EDIL3: variants seen among roughly 807,000 people sequenced by gnomAD.
EDIL3 encodes EGF like and discoidin domains 3, also known as EGF-like repeat and discoidin I-like domain-containing protein 3.
EDIL3 carries 37 observed loss-of-function variants against 67.4 expected under a neutral mutation model. That is an observed-to-expected ratio of 0.55 (90% CI 0.42 to 0.72). The LOEUF is 0.72. Among genes scored for constraint, EDIL3 ranks in the 30% least tolerant of loss-of-function variants. EDIL3 has a pLI of 0.00. For missense variants in EDIL3, 527 were observed against 586.3 expected (o/e 0.90, Z 1.04); for synonymous variants, 195 against 196.3 (o/e 0.99, Z 0.05).
intron 1 of EDIL3, among the ~76,000 whole-genome samples, chr5:84,364,746 T>C (rs1248859146): frequency 6.6e-6 from 1 of 152,040 alleles, no homozygotes; most frequent in Non-Finnish European, 1.5e-5. Flanking sequence ...ATAAATTTCA[T>C]ATGGAATCCT....
At chr5:84,201,492 T>A (rs1177735767) in intron 3 of EDIL3, among the ~76,000 whole-genome samples, 1 of 152,100 alleles carries the variant, frequency 6.6e-6, no homozygotes, top group Non-Finnish European at 1.5e-5. Context: ...AGAGACTTCA[T>A]CTGTTTTTCT....
chr5:84,289,603 T>C (rs1745875338), intron 1 of EDIL3, among the ~76,000 whole-genome samples: 1 of 152,148 alleles, frequency 6.6e-6, no homozygotes, highest in Non-Finnish European at 1.5e-5. Flanking sequence ...GCCCCTTGGT[T>C]GTGAATCTAG....
intron 1 of EDIL3, among the ~76,000 whole-genome samples, chr5:84,288,352 T>C (rs1293018764): frequency 6.6e-6 from 1 of 152,182 alleles, no homozygotes; most frequent in Non-Finnish European, 1.5e-5. Flanking sequence ...ACCTCATTTC[T>C]TTGCTTTTAT....
At chr5:84,194,986 G>T (rs901153474) in intron 3 of EDIL3, among the ~76,000 whole-genome samples, 1 of 151,834 alleles carries the variant, frequency 6.6e-6, no homozygotes, top group Admixed American at 6.6e-5. Flanking sequence ...TACAGAATAC[G>T]GTCACAGAGT....
At chr5:84,380,486 T>TAG (rs1000142041) in intron 1 of EDIL3, among the ~76,000 whole-genome samples, 1 of 152,134 alleles carries the variant, frequency 6.6e-6, no homozygotes, top group Admixed American at 6.5e-5. Context: ...ACTTCTGACT[T>TAG]GAACTGAGTT....
intron 3 of EDIL3, among the ~76,000 whole-genome samples, chr5:84,203,844 A>G (rs1743901082): frequency 6.6e-6 from 1 of 152,192 alleles, no homozygotes; most frequent in African/African-American, 2.4e-5. Flanking sequence ...TCTATTAACT[A>G]TATCCGAAGA....
At position 84,296,871 on chromosome 5, in the gene EDIL3, A is replaced by C. The variant is rs1392498783; in HGVS notation, c.68-42659T>G. On this transcript the variant is annotated intron_variant, in intron 1 of 10. Coordinates refer to ENST00000296591, the MANE Select transcript of EDIL3 (RefSeq NM_005711.5). ...ATTATCCAGAATCTACAAGGAACTTAAGCAAATTTTTAAGAAAAAAAACCA... is the reference window on the plus strand; with the variant it reads ...ATTATCCAGAATCTACAAGGAACTTCAGCAAATTTTTAAGAAAAAAAACCA... Among the ~76,000 whole-genome samples, 4 of 152,308 alleles carry C rather than the reference A, an allele frequency of 2.6e-5. No individual in the cohort carries two copies. In the East Asian group the frequency reaches 5.8e-4, roughly 22 times the overall value.
In EDIL3 at chr5:83,943,243, T is replaced by C. The variant is rs1744255922; in HGVS notation, c.*176A>G. 2 of 681,564 alleles carry C rather than the reference T, an allele frequency of 2.9e-6. No homozygotes were observed. Among genetic ancestry groups the C allele is most frequent in the Non-Finnish European group, 4.7e-6 (2 of 422,640 alleles). 42.2% of individuals were successfully genotyped at this position (681,564 alleles called of 1,614,324 possible). On this transcript the variant is annotated 3_prime_UTR_variant, in exon 11 of 11. Transcript: ENST00000296591. ...GATAAAATAAAATCAAATTAAATCA[T>C]TGAAAAGGCAGGCTTAGACCCCCTT...
intron 6 of EDIL3, among the ~76,000 whole-genome samples, chr5:84,090,581 AT>A (rs1747147860): frequency 6.6e-6 from 1 of 152,192 alleles, no homozygotes; most frequent in Non-Finnish European, 1.5e-5. Context: ...AGCTCTTCAG[AT>A]AATTTTTATG....
In EDIL3 at chr5:84,250,538, A is replaced by C. The variant is rs554195936; in HGVS notation, c.196+3546T>G. ...ACATTATATGCTTTGTGAGGGAAGA[A>C]TAAAAGTACAAAACTGGATGAGGAT... On this transcript the variant is annotated intron_variant, in intron 2 of 10. Transcript: ENST00000296591. Among the ~76,000 whole-genome samples the C allele has an allele frequency of 3.9e-5, 6 of 152,354 alleles. No individual in the cohort carries two copies. In the South Asian group the frequency reaches 1.2e-3, roughly 32 times the overall value.
At chr5:84,295,373 T>C (rs1746027779) in intron 1 of EDIL3, among the ~76,000 whole-genome samples, 2 of 152,016 alleles carry the variant, frequency 1.3e-5, no homozygotes, top group African/African-American at 4.8e-5. Flanking sequence ...TTTCAGACAA[T>C]GGTACTTATA....
chr5:84,154,864 T>C (rs928021107), intron 4 of EDIL3, among the ~76,000 whole-genome samples: 2 of 151,956 alleles, frequency 1.3e-5, no homozygotes, highest in Non-Finnish European at 2.9e-5. Flanking sequence ...CACGCCCAGC[T>C]AATTTTCGTA....
intron 4 of EDIL3, among the ~76,000 whole-genome samples, chr5:84,160,555 C>A (rs1748584382): frequency 6.6e-6 from 1 of 151,988 alleles, no homozygotes; most frequent in Non-Finnish European, 1.5e-5. Context: ...ATTCCCTCTT[C>A]CAGAACAGTG....
At chr5:83,985,441 G>A (rs780455508) in intron 9 of EDIL3, among the ~76,000 whole-genome samples, 1 of 151,798 alleles carries the variant, frequency 6.6e-6, no homozygotes, top group Non-Finnish European at 1.5e-5. Flanking sequence ...ATATTTTTTG[G>A]TGACAGAATT....
At chr5:84,175,934 T>C (rs1042330747) in intron 4 of EDIL3, among the ~76,000 whole-genome samples, 1 of 151,916 alleles carries the variant, frequency 6.6e-6, no homozygotes, top group African/African-American at 2.4e-5. Context: ...AAGCACGTAA[T>C]TGCCAAATAT....
At chr5:84,074,940 G>T (rs910902998) in intron 6 of EDIL3, among the ~76,000 whole-genome samples, 4 of 152,108 alleles carry the variant, frequency 2.6e-5, no homozygotes, top group African/African-American at 9.7e-5. Flanking sequence ...CAAAGACTTG[G>T]AACCAACCCG....
chr5:84,077,395 A>T (rs1032821336), intron 6 of EDIL3, among the ~76,000 whole-genome samples: 3 of 152,196 alleles, frequency 2.0e-5, no homozygotes, highest in South Asian at 2.1e-4. Flanking sequence ...GTCCATTTTC[A>T]TACTGCTATG....
chr5:84,037,988 GTTTTTTTTTTT>G (rs67762520), intron 9 of EDIL3, among the ~76,000 whole-genome samples: 1 of 99,748 alleles, frequency 1.0e-5, no homozygotes, highest in Non-Finnish European at 1.9e-5. Context: ...TTTCTTTCTT[GTTTTTTTTTTT>G]TTTTTTTTTT....
In EDIL3 at chr5:84,176,486, C is replaced by T. The variant is rs565094690; in HGVS notation, c.355+3907G>A. Among the ~76,000 whole-genome samples the T allele has an allele frequency of 1.0e-3, 156 of 151,060 alleles. 1 individual carries two copies. In the South Asian group the frequency reaches 0.024, roughly 23 times the overall value. On this transcript the variant is annotated intron_variant, in intron 4 of 10. Transcript: ENST00000296591. ...TTAAAAGGAATCAAAGGCTCTGGAGCTGTGCACAGGTAGAGAAGAATGTAC... is the reference window on the plus strand; with the variant it reads ...TTAAAAGGAATCAAAGGCTCTGGAGTTGTGCACAGGTAGAGAAGAATGTAC...
Sources: allele counts gnomAD v4.1 joint callset (sites outside exome capture counted in the v4.1 genomes callset), GRCh38; gene constraint gnomAD v4.1.1; transcripts MANE v1.5; gene names NCBI Gene and HGNC (gene_info 2026-07-23, HGNC 2026-07-21).